KLC3: variants seen among roughly 807,000 people sequenced by gnomAD.
The protein encoded by KLC3 is kinesin light chain 3, also known as kinesin light chain 2.
KLC3 carries 72 observed loss-of-function variants against 62.9 expected under a neutral mutation model. The ratio of observed to expected loss-of-function variants is 1.15; its 90% confidence interval spans 0.95 to 1.39. KLC3 has a LOEUF of 1.39. KLC3 is among the 40% of genes most tolerant of loss of function. The pLI, the probability that KLC3 is intolerant of heterozygous loss-of-function variation, is 0.00. For synonymous variants in KLC3, 377 were observed against 300.5 expected (o/e 1.25, Z -2.63); for missense variants, 848 against 691.6 (o/e 1.23, Z -2.54).
At chr19:45,349,069 C>T (rs1971589400) in intron 7 of KLC3, 148 bp downstream of exon 7, 8 of 720,182 alleles carry the variant, frequency 1.1e-5, no homozygotes, top group South Asian at 5.4e-5. Flanking sequence ...TCACCCAACC[C>T]ATCACCCTTG....
chr19:45,346,838 C>CCCTCCTTAGAATCCCACATTCCCCAAGAT (rs1971508258), intron 3 of KLC3, 64 bp downstream of exon 3: 1 of 1,133,160 alleles, frequency 8.8e-7, no homozygotes, highest in Non-Finnish European at 1.2e-6. Context: ...GTCCCCCAGA[C>CCCTCCTTAGAATCCCACATTCCCCAAGAT]CCTCCTTAGA....
At chr19:45,340,974 C>T (rs1200952975) in intron 1 of KLC3, 128 bp downstream of exon 1, 3 of 152,382 alleles carry the variant, frequency 2.0e-5, no homozygotes, top group Non-Finnish European at 4.4e-5. Flanking sequence ...CTGCCCCGTC[C>T]TGGGGCTCTC....
chr19:45,346,494 G>A (rs772490724), intron 2 of KLC3, 50 bp from the exon 3 acceptor site: 169 of 1,462,538 alleles, frequency 1.2e-4, no homozygotes, highest in African/African-American at 1.7e-4. Context: ...GTCAGGGGCC[G>A]TCTGGCAGGG....
At position 45,351,428 on chromosome 19, in the gene KLC3, G is replaced by A; in HGVS notation, c.*71G>A. ...GAGGGATGGGCTGGTGGGGTGAGAG[G>A]GGGTCTATCATCTCCTGGCCCCCCC... On this transcript the variant is annotated 3_prime_UTR_variant, in exon 13 of 13. Transcript: ENST00000391946. 3.8e-6 allele frequency: 6 copies of A among 1,591,734 alleles called. No individual in the cohort carries two copies. Among genetic ancestry groups the A allele is most frequent in the Non-Finnish European group, 5.1e-6 (6 of 1,172,264 alleles).
intron 8 of KLC3, chr19:45,349,862 TCACTGTGGCC>T: frequency 2.0e-6 from 1 of 504,316 alleles, no homozygotes; most frequent in Non-Finnish European, 3.5e-6. Context: ...TTTATTGAGC[TCACTGTGGCC>T]GGCTCCCCTC....
In KLC3 at chr19:45,349,519, C is replaced by G. The variant is rs760262930; in HGVS notation, c.1060C>G (p.Arg354Gly). 6.2e-7 allele frequency: 1 copy of G among 1,613,384 alleles called. No homozygotes were observed. The highest frequency in any genetic ancestry group is 8.5e-7 in the Non-Finnish European group (1 of 1,179,730). The part of the protein sequence containing the change: ...QNQGKFEDVE[R>G]HYARALSIYE... ...CCAGGGCAAGTTTGAGGACGTGGAG[C>G]GGCACTATGCCCGGGCCCTGAGCAT... is the stretch of plus-strand genomic sequence containing the variant. The change falls in exon 8 of 13, where the codon CGG becomes GGG. Residue 354 changes from arginine to glycine, a missense_variant. Arg to Gly is a moderately radical substitution (Grantham distance 125). Coordinates refer to ENST00000391946, the MANE Select transcript of KLC3 (RefSeq NM_177417.3).
In KLC3 at chr19:45,347,986, A is replaced by C. The variant is rs775945143; in HGVS notation, c.605A>C (p.Glu202Ala). The C allele has an allele frequency of 1.4e-5, 22 of 1,609,368 alleles. No individual in the cohort carries two copies. Among genetic ancestry groups the C allele is most frequent in the Non-Finnish European group, 1.9e-5 (22 of 1,178,100 alleles). The change falls in exon 5 of 13, where the codon GAG (glutamate) becomes GCG (alanine). Residue 202 changes from glutamate (E) to alanine (A), a missense_variant. Coordinates refer to ENST00000391946, the MANE Select transcript of KLC3 (RefSeq NM_177417.3). ...GCAGCTGCTCAGCAGGGTGGCTATG[A>C]GATCCCTGCCCGCCTTCGGACCCTG... is the stretch of plus-strand genomic sequence containing the variant. ...GAAAAQQGGY[E>A]IPARLRTLHN...
intron 3 of KLC3, 112 bp from the exon 4 acceptor site, chr19:45,347,335 C>T (rs1278275018): frequency 2.3e-5 from 17 of 734,998 alleles, no homozygotes; most frequent in Admixed American, 8.4e-5. Flanking sequence ...AGCGAAACTC[C>T]GTCTCAAAAA....
chr19:45,343,727 G>C (rs1971434404), intron 1 of KLC3, among the ~76,000 whole-genome samples: 1 of 152,224 alleles, frequency 6.6e-6, no homozygotes, highest in South Asian at 2.1e-4. Flanking sequence ...CTGAGTCAGT[G>C]TGTTGTCTTA....
Position 45,345,638 on chromosome 19 carries a change from G to C in KLC3, c.97G>C (p.Gly33Arg). 1 of 1,585,038 alleles carries C rather than the reference G, an allele frequency of 6.3e-7. No homozygotes were observed. The highest frequency in any genetic ancestry group is 8.6e-7 in the Non-Finnish European group (1 of 1,167,150). ...GCGGCAGACGCGGCAAGTGGTCCAG[G>C]GGCTGGAGGCGCTGCGGGCAGAGCA... ...LVRQTRQVVQ[G>R]LEALRAEHHG... Residue 33 changes from glycine to arginine, a missense_variant, in exon 2 of 13, where the codon GGG becomes CGG. Transcript: ENST00000391946.
Position 45,345,759 on chromosome 19 carries a change from A to G in KLC3, c.218A>G (p.His73Arg), listed in dbSNP as rs1367796641. 1.3e-6 allele frequency: 2 copies of G among 1,552,976 alleles called. No homozygotes were observed. Among genetic ancestry groups the G allele is most frequent in the Non-Finnish European group, 1.7e-6 (2 of 1,149,176 alleles). The change falls in exon 2 of 13, where the codon CAC (histidine) becomes CGC (arginine). Residue 73 changes from histidine to arginine, a missense_variant. By Grantham distance (29) the His-to-Arg change is conservative. Coordinates refer to ENST00000391946, the MANE Select transcript of KLC3 (RefSeq NM_177417.3). ...GAGGAAAAGCAGCAGGTGGTGAGCC[A>G]CTCGCTGGAGGCCATCGAGCTGGGG... ...MLEEKQQVVS[H>R]SLEAIELGLG...
At position 45,348,351 on chromosome 19, in the gene KLC3, T is replaced by TG. The variant is rs553739300; in HGVS notation, c.779+198dup. Among the ~76,000 whole-genome samples the TG allele has an allele frequency of 1.4e-3, 208 of 151,676 alleles. 1 individual carries two copies. Among genetic ancestry groups the TG allele is most frequent in the African/African-American group, 4.3e-3 (180 of 41,424 alleles). ...GCAAAGAGGGAGTGGGACAGGGATC[T>TG]GGGGGGGCCACTGAGCCAGGCAGAG... On this transcript the variant is annotated intron_variant, in intron 5 of 12. Transcript: ENST00000391946.
At position 45,351,339 on chromosome 19, in the gene KLC3, G is replaced by A; in HGVS notation, c.1497G>A (p.Gln499=). 6 of 1,611,798 alleles carry A rather than the reference G, an allele frequency of 3.7e-6. No homozygotes were observed. Among genetic ancestry groups the A allele is most frequent in the South Asian group, 1.1e-5 (1 of 91,082 alleles). Residue 499 remains glutamine (Q), a synonymous_variant, in exon 13 of 13, where the codon CAG becomes CAA. Coordinates refer to ENST00000391946, the MANE Select transcript of KLC3 (RefSeq NM_177417.3). The part of the protein sequence containing the change: ...KAPRTLSAST[Q]DLSPH Reference sequence around the variant, plus strand: ...CTCGGACCCTCAGCGCCAGCACCCAGGACCTGAGCCCCCACTAACGTCCAG... The same window carrying A: ...CTCGGACCCTCAGCGCCAGCACCCAAGACCTGAGCCCCCACTAACGTCCAG...
chr19:45,342,459 T>A (rs765538547), intron 1 of KLC3, among the ~76,000 whole-genome samples: 12 of 151,952 alleles, frequency 7.9e-5, no homozygotes, highest in Non-Finnish European at 1.8e-4. Flanking sequence ...TTTAGTTTTT[T>A]AAAAATTAAA....
intron 2 of KLC3, 51 bp from the exon 3 acceptor site, chr19:45,346,493 C>T (rs9749477): frequency 0.31 from 446,842 of 1,448,220 alleles, 72,908 homozygotes; most frequent in Middle Eastern, 0.36. Flanking sequence ...GGTCAGGGGC[C>T]GTCTGGCAGG....
chr19:45,342,856 G>A (rs1293469751), intron 1 of KLC3, among the ~76,000 whole-genome samples: 1 of 152,172 alleles, frequency 6.6e-6, no homozygotes, highest in African/African-American at 2.4e-5. Flanking sequence ...GATCAATGAC[G>A]ATCAAGTCTG....
intron 1 of KLC3, among the ~76,000 whole-genome samples, chr19:45,343,954 T>C (rs2123176421): frequency 6.6e-6 from 1 of 152,156 alleles, no homozygotes. Context: ...TCCTTCTACC[T>C]CAGCCTCCAG....
At chr19:45,348,351 TG>T (rs553739300) in intron 5 of KLC3, among the ~76,000 whole-genome samples, 191 bp downstream of exon 5, 8 of 151,676 alleles carry the variant, frequency 5.3e-5, no homozygotes, top group African/African-American at 1.9e-4. Flanking sequence ...GACAGGGATC[TG>T]GGGGGGCCAC....
rs371552721 is a variant in KLC3 at position 45,348,755 on chromosome 19, C to T, written c.867+22C>T. 4.3e-5 allele frequency: 68 copies of T among 1,570,230 alleles called. No homozygotes were observed. The African/African-American group carries it at 4.6e-4, about 11-fold the overall frequency. The stretch of plus-strand genomic sequence containing the variant: ...CGCGGTGAGTGGGGCCCCAGGGAGA[C>T]GAAGTGGGGTCAAAGTGGGGCCACA... On this transcript the variant is annotated intron_variant, in intron 6 of 12. Coordinates refer to ENST00000391946, the MANE Select transcript of KLC3 (RefSeq NM_177417.3).
Sources: allele counts gnomAD v4.1 joint callset (sites outside exome capture counted in the v4.1 genomes callset), GRCh38; gene constraint gnomAD v4.1.1; transcripts MANE v1.5; gene names NCBI Gene and HGNC (gene_info 2026-07-23, HGNC 2026-07-21).